Variants in RNF41 observed in about 807,000 individuals in gnomAD.
The protein encoded by RNF41 is E3 ubiquitin-protein ligase NRDP1.
A neutral mutation model predicts 33.0 loss-of-function variants in RNF41; 4 were observed. The ratio of observed to expected loss-of-function variants is 0.12; its 90% CI spans 0.06 to 0.28. The LOEUF (loss-of-function observed/expected upper bound fraction) is 0.28. RNF41 is among the 10% of genes least tolerant of loss of function. RNF41 has a pLI of 1.00. For missense variants in RNF41, 228 were observed against 432.6 expected (o/e 0.53, Z 4.19); for synonymous variants, 164 against 153.2 (o/e 1.07, Z -0.52).
intron 3 of RNF41, chr12:56,212,977 C>A: frequency 7.8e-7 from 1 of 1,288,546 alleles, no homozygotes; most frequent in Non-Finnish European, 1.0e-6. Flanking sequence ...TAAGGATTCA[C>A]CTCACTCATT....
chr12:56,214,331 G>A (rs1422494251), intron 2 of RNF41, among the ~76,000 whole-genome samples: 1 of 151,814 alleles, frequency 6.6e-6, no homozygotes, highest in Non-Finnish European at 1.5e-5. Flanking sequence ...GACCAGCCTG[G>A]CCAACATGGT....
At chr12:56,217,502 C>G (rs558156751) in intron 1 of RNF41, among the ~76,000 whole-genome samples, 1 of 151,906 alleles carries the variant, frequency 6.6e-6, no homozygotes, top group Non-Finnish European at 1.5e-5. Flanking sequence ...GAGCCAAGAT[C>G]GCGCCACTGC....
At position 56,210,029 on chromosome 12, in the gene RNF41, G is replaced by A. The variant is rs1289735129; in HGVS notation, c.362+268C>T. On this transcript the variant is annotated intron_variant, in intron 4 of 6. Transcript: ENST00000345093. ...AACGGAAAGTAGTATTGGACTGAAA[G>A]GGAAGAATAGAGTCAATCAAGCTTT... 5.4e-5 allele frequency: 26 copies of A among 477,168 alleles called. No individual in the cohort carries two copies. The East Asian group carries it at 8.3e-4, about 15-fold the overall frequency. 29.6% of individuals were successfully genotyped at this position (477,168 alleles called of 1,614,324 possible). A position where few individuals can be genotyped will look rare whatever the true frequency, so the allele number is the denominator to read the frequency against.
At chr12:56,210,980 T>C (rs1868434484) in intron 3 of RNF41, among the ~76,000 whole-genome samples, 1 of 150,632 alleles carries the variant, frequency 6.6e-6, no homozygotes, top group Non-Finnish European at 1.5e-5. Flanking sequence ...AGGTCAGGAG[T>C]TCAAGACCAG....
chr12:56,218,200 C>T (rs1326765881), intron 1 of RNF41, among the ~76,000 whole-genome samples: 5 of 151,708 alleles, frequency 3.3e-5, no homozygotes, highest in Admixed American at 6.6e-5. Context: ...GTGATCCACC[C>T]GCCTCAGCCT....
intron 4 of RNF41, 172 bp from the exon 5 acceptor site, chr12:56,208,470 TC>T (rs1868320280): frequency 5.2e-6 from 3 of 581,634 alleles, no homozygotes; most frequent in Non-Finnish European, 8.9e-6. Context: ...CGTCCAAGCT[TC>T]CTACTTGCCC....
chr12:56,215,009 C>T (rs1424597454), intron 2 of RNF41, among the ~76,000 whole-genome samples: 1 of 152,102 alleles, frequency 6.6e-6, no homozygotes, highest in African/African-American at 2.4e-5. Flanking sequence ...CAGGACTGGG[C>T]GTCACCAGAA....
chr12:56,209,615 G>A (rs749461253), intron 4 of RNF41, among the ~76,000 whole-genome samples: 100 of 152,202 alleles, frequency 6.6e-4, no homozygotes, highest in African/African-American at 2.0e-3. Context: ...CTGCCACCAC[G>A]CCTGGCTAGT....
intron 6 of RNF41, chr12:56,207,117 C>T: frequency 7.6e-7 from 1 of 1,317,674 alleles, no homozygotes; most frequent in South Asian, 1.5e-5. Context: ...ATTCCTCTAT[C>T]CTATGTCCCA....
In RNF41 at chr12:56,203,185, CTT is replaced by C. The variant is rs57435292; in HGVS notation, c.*3260_*3261del. Reference sequence around the variant, plus strand: ...AGGAAAAGATATCCCTTTTTCTTTTCTTTTCTTTTTTTTTTTTGAGACAGGCT... The same window carrying C: ...AGGAAAAGATATCCCTTTTTCTTTTCTTCTTTTTTTTTTTTGAGACAGGCT... On this transcript the variant is annotated 3_prime_UTR_variant, in exon 7 of 7. Transcript: ENST00000345093. 127,718 of 150,756 alleles carry C rather than the reference CTT, an allele frequency of 0.85. 58,027 individuals are homozygous for C. The highest frequency in any genetic ancestry group is 1 in the South Asian group (4,798 of 4,808). The allele number at this position is 150,756 out of a possible 1,614,324, so 9.3% of individuals were successfully genotyped here.
rs1032553426 is a variant in RNF41, at chr12:56,205,575, G to C, written c.*872C>G. ...GGCCATTCTTAAAAAAAAGAGGGGGGGGGGCAGTAGGTGGAGTTTGTGAAA... is the reference window on the plus strand; with the variant it reads ...GGCCATTCTTAAAAAAAAGAGGGGGCGGGGCAGTAGGTGGAGTTTGTGAAA... On this transcript the variant is annotated 3_prime_UTR_variant, in exon 7 of 7. Coordinates refer to ENST00000345093, the MANE Select transcript of RNF41 (RefSeq NM_005785.4). The C allele has an allele frequency of 6.6e-6, 1 of 150,802 alleles. No individual in the cohort carries two copies. Among genetic ancestry groups the C allele is most frequent in the Admixed American group, 6.6e-5 (1 of 15,148 alleles). 9.3% of individuals were successfully genotyped at this position (150,802 alleles called of 1,614,324 possible). A position where few individuals can be genotyped will look rare whatever the true frequency, so the allele number is the denominator to read the frequency against.
rs1341733687 is a variant in RNF41, at chr12:56,219,194, TA to T, written c.-209+2565del. Reference sequence around the variant, plus strand: ...CTAATTTTTATTTTATTTATTTATTTATTTATTTTTTTTTTGAGACGGAGTC... The same window carrying T: ...CTAATTTTTATTTTATTTATTTATTTTTTATTTTTTTTTTGAGACGGAGTC... On this transcript the variant is annotated intron_variant, in intron 1 of 6. Coordinates refer to ENST00000345093, the MANE Select transcript of RNF41 (RefSeq NM_005785.4). 1.7e-3 allele frequency among the ~76,000 whole-genome samples: 248 copies of T among 149,216 alleles called. 3 individuals carry two copies. Among genetic ancestry groups the T allele is most frequent in the South Asian group, 6.5e-3 (31 of 4,748 alleles).
At chr12:56,208,141 T>TC in intron 5 of RNF41, 22 bp downstream of exon 5, 1 of 1,614,090 alleles carries the variant, frequency 6.2e-7, no homozygotes, top group South Asian at 1.1e-5. Flanking sequence ...GGATATGTTC[T>TC]CCCCCGTGTC....
At position 56,206,366 on chromosome 12, in the gene RNF41, G is replaced by A; in HGVS notation, c.*81C>T. 8.4e-7 allele frequency: 1 copy of A among 1,193,564 alleles called. No homozygotes were observed. The allele number at this position is 1,193,564 out of a possible 1,614,324, so 73.9% of individuals were successfully genotyped here. On this transcript the variant is annotated 3_prime_UTR_variant, in exon 7 of 7. Transcript: ENST00000345093. The surrounding 1 kb of genome is among the most constrained non-coding windows in gnomAD (Gnocchi z 5.7). ...GGTATAAGCCACAGTATTAAGAATG[G>A]TGGGTAGGACTCAGGTCCCAGCTGC...
chr12:56,210,449 C>A lies in RNF41; in HGVS notation c.210G>T (p.Arg70=). The A allele has an allele frequency of 6.2e-7, 1 of 1,614,200 alleles. No homozygotes were observed. Among genetic ancestry groups the A allele is most frequent in the African/African-American group, 1.3e-5 (1 of 75,058 alleles). The stretch of plus-strand genomic sequence containing the variant: ...GCTTTGACAACATGTTCCGCATGAT[C>A]CGAGGTACTGGGCGCAGATGGGCGA... ...VTVAHLRPVP[R]IMRNMLSKLQ... is the part of the protein sequence containing the mutation. The change falls in exon 4 of 7, where the codon CGG becomes CGT. Residue 70 remains arginine (R), a synonymous_variant. Coordinates refer to ENST00000345093, the MANE Select transcript of RNF41 (RefSeq NM_005785.4).
chr12:56,208,090 G>A (rs1868308185), intron 5 of RNF41, 73 bp downstream of exon 5: 1 of 1,569,694 alleles, frequency 6.4e-7, no homozygotes, highest in South Asian at 1.1e-5. Context: ...GTTCACAACT[G>A]GTTTTTATTA....
In RNF41 at chr12:56,210,597, G is replaced by A. The variant is rs7975486; in HGVS notation, c.91-29C>T. The A allele has an allele frequency of 8.7e-4, 1,386 of 1,600,996 alleles. 10 individuals are homozygous for A. The African/African-American group carries it at 0.013, about 15-fold the overall frequency. On this transcript the variant is annotated intron_variant, in intron 3 of 6. Transcript: ENST00000345093. Reference sequence around the variant, plus strand: ...GAAGAGAGAACAAGGCAAAAGGGGCGCAAGGGAATTAGCAGGACCTAAGAG... The same window carrying A: ...GAAGAGAGAACAAGGCAAAAGGGGCACAAGGGAATTAGCAGGACCTAAGAG...
At chr12:56,219,641 A>G (rs1193926668) in intron 1 of RNF41, among the ~76,000 whole-genome samples, 1 of 49,488 alleles carries the variant, frequency 2.0e-5, no homozygotes, top group Admixed American at 2.4e-4. Flanking sequence ...TAAGGTGTAT[A>G]TATGTGTGTG....
chr12:56,212,841 G>C (rs901067599), intron 3 of RNF41, among the ~76,000 whole-genome samples: 3 of 152,152 alleles, frequency 2.0e-5, no homozygotes, highest in Non-Finnish European at 4.4e-5. Flanking sequence ...AAACCTCATT[G>C]CCTAGTGTCC....
Sources: gnomAD v4.1 joint callset for allele counts (sites outside exome capture counted in the v4.1 genomes callset) on GRCh38, gnomAD v4.1.1 for gene constraint, Gnocchi (gnomAD v3.1) non-coding constraint, MANE v1.5 for transcripts, NCBI Gene and HGNC (gene_info 2026-07-23, HGNC 2026-07-21) for gene names.